SOX6: variants seen among roughly 807,000 people sequenced by gnomAD.
The protein encoded by SOX6 is transcription factor SOX-6.
In SOX6, 11 loss-of-function variants were observed where a neutral mutation model predicts 97.8. The ratio of observed to expected loss-of-function variants is 0.11; its 90% confidence interval spans 0.07 to 0.19. SOX6 has a LOEUF of 0.19. Among genes scored for constraint, SOX6 ranks in the 10% least tolerant of loss-of-function variants. SOX6 has a pLI of 1.00. For missense variants in SOX6, 810 were observed against 1,039.5 expected (o/e 0.78, Z 3.04); for synonymous variants, 360 against 371.4 (o/e 0.97, Z 0.35).
intron 1 of SOX6, among the ~76,000 whole-genome samples, chr11:16,432,927 C>T (rs764004634): frequency 6.6e-6 from 1 of 152,014 alleles, no homozygotes; most frequent in Non-Finnish European, 1.5e-5. Context: ...AATATTAAAA[C>T]CATTTATTCA....
chr11:16,540,484 G>A (rs979969666), intron 4 of SOX6, among the ~76,000 whole-genome samples: 3 of 152,098 alleles, frequency 2.0e-5, no homozygotes, highest in East Asian at 1.9e-4. Flanking sequence ...AATCAGGCAG[G>A]AGAAGGAAAT....
chr11:16,024,853 G>A (rs1040239309), intron 12 of SOX6, among the ~76,000 whole-genome samples: 3 of 152,034 alleles, frequency 2.0e-5, no homozygotes, highest in Non-Finnish European at 4.4e-5. Flanking sequence ...AATGATGTAT[G>A]ACAAGTTTCC....
intron 1 of SOX6, among the ~76,000 whole-genome samples, chr11:16,442,793 C>T (rs1859530340): frequency 6.6e-6 from 1 of 152,136 alleles, no homozygotes; most frequent in Non-Finnish European, 1.5e-5. Flanking sequence ...AACAGTTTAA[C>T]ATCTCATCTA....
chr11:16,244,763 T>C (rs571643909), intron 3 of SOX6, among the ~76,000 whole-genome samples: 1 of 151,872 alleles, frequency 6.6e-6, no homozygotes, highest in South Asian at 2.1e-4. Context: ...TATGTGTGTG[T>C]GTGTTTGTGT....
Position 16,092,666 on chromosome 11 carries a change from T to C in SOX6, c.1101+3330A>G, listed in dbSNP as rs117577981. ...TTGCTAAAGAGAAGCATGCATCATT[T>C]AATAAGAAGGCATGAGGCAGGTGGA... On this transcript the variant is annotated intron_variant, in intron 9 of 15. Coordinates refer to ENST00000683767, the MANE Select transcript of SOX6 (RefSeq NM_001367873.1). Among the ~76,000 whole-genome samples, 1,068 of 152,048 alleles carry C rather than the reference T, an allele frequency of 7.0e-3. 7 individuals are homozygous for C. Among genetic ancestry groups the C allele is most frequent in the Admixed American group, 0.011 (174 of 15,232 alleles).
intron 3 of SOX6, among the ~76,000 whole-genome samples, chr11:16,637,999 G>C (rs189189885): frequency 6.6e-6 from 1 of 150,796 alleles, no homozygotes; most frequent in Non-Finnish European, 1.5e-5. Flanking sequence ...TGCCATGTTG[G>C]TGTGCTGCAC....
chr11:16,070,503 C>T (rs1564937354), intron 9 of SOX6, among the ~76,000 whole-genome samples: 1 of 152,106 alleles, frequency 6.6e-6, no homozygotes, highest in Non-Finnish European at 1.5e-5. Flanking sequence ...CCTTATGGAA[C>T]ATAGTTGCAA....
intron 4 of SOX6, among the ~76,000 whole-genome samples, chr11:16,198,342 C>T (rs1851847184): frequency 6.6e-6 from 1 of 150,860 alleles, no homozygotes; most frequent in Non-Finnish European, 1.5e-5. Context: ...TCCCAAAGTG[C>T]CAGCCAATTC....
intron 2 of SOX6, among the ~76,000 whole-genome samples, chr11:16,721,508 CT>C (rs1848261878): frequency 9.1e-4 from 16 of 17,662 alleles, no homozygotes; most frequent in African/African-American, 4.1e-3. Context: ...CTGTCTCTCT[CT>C]CTCTCTCTCT....
chr11:16,234,760 C>T, intron 3 of SOX6, 89 bp from the exon 4 acceptor site: 1 of 717,106 alleles, frequency 1.4e-6, no homozygotes, highest in South Asian at 2.0e-5. Context: ...TTTAAGAATG[C>T]ATAAAGCTGT....
intron 6 of SOX6, among the ~76,000 whole-genome samples, chr11:16,168,599 T>A (rs1485731283): frequency 6.6e-6 from 1 of 152,122 alleles, no homozygotes; most frequent in Non-Finnish European, 1.5e-5. Flanking sequence ...AAAGCAAGGA[T>A]GCTAAGGAAA....
intron 1 of SOX6, among the ~76,000 whole-genome samples, chr11:16,468,740 A>T (rs1185240387): frequency 2.0e-5 from 3 of 152,196 alleles, no homozygotes; most frequent in African/African-American, 4.8e-5. Flanking sequence ...AAGTAAACCA[A>T]GATCAAATTT....
At chr11:16,426,239 G>C in intron 1 of SOX6, among the ~76,000 whole-genome samples, 1 of 106,094 alleles carries the variant, frequency 9.4e-6, no homozygotes, top group Middle Eastern at 0.013. Context: ...CTGAGGGACA[G>C]AGTGAGACTC....
chr11:16,720,119 G>A (rs1564876880), intron 2 of SOX6, among the ~76,000 whole-genome samples: 2 of 152,144 alleles, frequency 1.3e-5, no homozygotes, highest in African/African-American at 4.8e-5. Flanking sequence ...AGCAACCACT[G>A]TGGAAGTCAG....
rs1232640316 is a variant in SOX6 at position 16,499,210 on chromosome 11, T to C, written n.610-22822A>G. Among the ~76,000 whole-genome samples the C allele has an allele frequency of 3.9e-5, 6 of 152,268 alleles. No homozygotes were observed. In the South Asian group the frequency reaches 1.2e-3, roughly 32 times the overall value. On this transcript the variant is annotated intron_variant and non_coding_transcript_variant, in intron 4 of 5. Coordinates refer to the SOX6 transcript ENST00000524520. ...GAACAACCTGCTCCTGAATGACTAC[T>C]GGGTACATAACGAAACGAAGGTTGA...
rs575117844 is a variant in SOX6 at position 16,415,019 on chromosome 11, C to T, written c.-5+61296G>A. ...TTCACAATGTATGAATAATGGAACT[C>T]TTCAAATACATCTGTATTGGGCATT... is the stretch of plus-strand genomic sequence containing the variant. On this transcript the variant is annotated intron_variant, in intron 1 of 15. Coordinates refer to the SOX6 transcript ENST00000396356. 1.3e-4 allele frequency among the ~76,000 whole-genome samples: 20 copies of T among 152,174 alleles called. No individual in the cohort carries two copies. In the South Asian group the frequency reaches 4.1e-3, roughly 32 times the overall value.
intron 13 of SOX6, among the ~76,000 whole-genome samples, chr11:16,009,638 A>T (rs1854652291): frequency 6.6e-6 from 1 of 152,080 alleles, no homozygotes; most frequent in African/African-American, 2.4e-5. Flanking sequence ...ATTTGAACAG[A>T]TGTAAAACGA....
At chr11:16,345,152 GATAAA>G (rs1856742516) in intron 1 of SOX6, among the ~76,000 whole-genome samples, 1 of 151,780 alleles carries the variant, frequency 6.6e-6, no homozygotes, top group Non-Finnish European at 1.5e-5. Flanking sequence ...GTGCATTGGA[GATAAA>G]ATAAAAGAGG....
At chr11:16,577,703 C>T (rs1369302375) in intron 4 of SOX6, among the ~76,000 whole-genome samples, 4 of 151,976 alleles carry the variant, frequency 2.6e-5, no homozygotes, top group Non-Finnish European at 5.9e-5. Context: ...ATTTTTTGTG[C>T]TTATTGTCCA....
Sources: allele counts gnomAD v4.1 joint callset (sites outside exome capture counted in the v4.1 genomes callset), GRCh38; gene constraint gnomAD v4.1.1; transcripts MANE v1.5; gene names NCBI Gene and HGNC (gene_info 2026-07-23, HGNC 2026-07-21).